Variants in TANC2 observed in about 807,000 individuals in gnomAD.
The protein encoded by TANC2 is tetratricopeptide repeat, ankyrin repeat and coiled-coil containing 2.
Under a neutral mutation model 210.5 loss-of-function variants are expected in TANC2, and 26 were observed. That is an observed-to-expected ratio of 0.12 (90% CI 0.09 to 0.17). The LOEUF (loss-of-function observed/expected upper bound fraction) is 0.17. TANC2 is among the 10% of genes least tolerant of loss of function. The probability of loss-of-function intolerance (pLI) is 1.00; values close to 1 mark genes in which losing one functional copy is unlikely to be tolerated. For missense variants in TANC2, 2,129 were observed against 2,608.9 expected (o/e 0.82, Z 4.01); for synonymous variants, 931 against 967.1 (o/e 0.96, Z 0.69).
chr17:63,072,439 AATTTCTTAT>A (rs796414542), intron 2 of TANC2, among the ~76,000 whole-genome samples: 1 of 152,190 alleles, frequency 6.6e-6, no homozygotes, highest in African/African-American at 2.4e-5. Context: ...GTCAAAGAAA[AATTTCTTAT>A]ATTTGTCTTT....
intron 3 of TANC2, among the ~76,000 whole-genome samples, chr17:63,096,477 C>T (rs1271546997): frequency 6.6e-6 from 1 of 152,148 alleles, no homozygotes; most frequent in African/African-American, 2.4e-5. Flanking sequence ...CTCTCCTGAA[C>T]ATTTCATATA....
At position 63,060,607 on chromosome 17, in the gene TANC2, C is replaced by T. The variant is rs574945866; in HGVS notation, c.68-13336C>T. ...TGCACTCCAACCTGGGAGATAAGAG[C>T]GAAACTCTGTCTCAAAAAAAAAACA... On this transcript the variant is annotated intron_variant, in intron 2 of 27. Transcript: ENST00000689528. 7.4e-5 allele frequency among the ~76,000 whole-genome samples: 10 copies of T among 134,858 alleles called. No homozygotes were observed. The South Asian group carries it at 1.7e-3, about 23-fold the overall frequency. 88.5% of individuals were successfully genotyped at this position (134,858 alleles called of 152,430 possible). A position where few individuals can be genotyped will look rare whatever the true frequency, so the allele number is the denominator to read the frequency against.
At chr17:63,377,248 C>G (rs2047454818) in intron 14 of TANC2, among the ~76,000 whole-genome samples, 1 of 152,258 alleles carries the variant, frequency 6.6e-6, no homozygotes, top group African/African-American at 2.4e-5. Flanking sequence ...CAACATTTGA[C>G]TCCTCATTGA....
chr17:63,224,954 A>C (rs754830600), intron 7 of TANC2, among the ~76,000 whole-genome samples: 1 of 152,230 alleles, frequency 6.6e-6, no homozygotes, highest in Non-Finnish European at 1.5e-5. Context: ...CCATCCTCAT[A>C]TAGATCTCCT....
intron 14 of TANC2, among the ~76,000 whole-genome samples, chr17:63,374,440 C>T (rs967336068): frequency 2.0e-5 from 3 of 152,106 alleles, no homozygotes; most frequent in East Asian, 1.9e-4. Flanking sequence ...GGATAGAGGC[C>T]GTGCTTTTTC....
intron 4 of TANC2, among the ~76,000 whole-genome samples, chr17:63,133,907 C>T (rs958799646): frequency 6.6e-6 from 1 of 152,002 alleles, no homozygotes; most frequent in Admixed American, 6.6e-5. Context: ...CCAACATTAG[C>T]ATGATTTTAA....
chr17:63,337,293 T>C (rs1449357268), intron 11 of TANC2, among the ~76,000 whole-genome samples: 4 of 152,056 alleles, frequency 2.6e-5, no homozygotes, highest in Non-Finnish European at 5.9e-5. Context: ...TTTTTAATAT[T>C]CTTAGTTAAA....
rs1021005268 is a variant in TANC2, at chr17:63,283,269, T to C, written c.1159+15396T>C. 1.6e-4 allele frequency among the ~76,000 whole-genome samples: 25 copies of C among 152,142 alleles called. 1 individual carries two copies. The East Asian group carries it at 4.8e-3, about 29-fold the overall frequency. ...CCTTTTGTACCTTTGTTAAAAATTA[T>C]TCATCCATAGATATATAGTTCTATT... On this transcript the variant is annotated intron_variant, in intron 9 of 27. Coordinates refer to ENST00000689528, the Ensembl canonical transcript of TANC2.
intron 8 of TANC2, among the ~76,000 whole-genome samples, chr17:63,246,634 A>G (rs184705577): frequency 6.6e-6 from 1 of 152,278 alleles, no homozygotes; most frequent in East Asian, 1.9e-4. Context: ...TGACGTATAT[A>G]TATCAGTAGT....
At chr17:63,395,847 C>T (rs747798158) in exon 18 of TANC2, 14 of 1,611,840 alleles carry the variant, frequency 8.7e-6, no homozygotes, top group African/African-American at 4.0e-5. Context: ...GGACGATGGC[C>T]GGCCAGCAGC....
chr17:63,296,019 T>A (rs2044525391), intron 9 of TANC2, among the ~76,000 whole-genome samples: 1 of 152,134 alleles, frequency 6.6e-6, no homozygotes, highest in Non-Finnish European at 1.5e-5. Flanking sequence ...TCAGTGCATC[T>A]GTCTGAATGT....
At chr17:63,275,732 A>C (rs756012540) in intron 9 of TANC2, among the ~76,000 whole-genome samples, 11 of 152,136 alleles carry the variant, frequency 7.2e-5, no homozygotes, top group Non-Finnish European at 1.2e-4. Context: ...CATGCACATA[A>C]CTTCCTATAG....
chr17:63,346,619 G>C (rs1267446216), intron 12 of TANC2, among the ~76,000 whole-genome samples: 1 of 152,206 alleles, frequency 6.6e-6, no homozygotes, highest in East Asian at 1.9e-4. Context: ...TGAACATCCA[G>C]TGTTGGTAAG....
chr17:63,179,412 G>T (rs2040700916), intron 5 of TANC2, among the ~76,000 whole-genome samples: 1 of 152,098 alleles, frequency 6.6e-6, no homozygotes, highest in Admixed American at 6.5e-5. Context: ...TAATCTTTGT[G>T]TACCTCACTT....
chr17:63,426,929 A>G (rs1338706626), exon 28 of TANC2: 1 of 152,254 alleles, frequency 6.6e-6, no homozygotes, highest in Non-Finnish European at 1.5e-5. Context: ...TAATTCTGGA[A>G]AATTCAGTAC....
intron 4 of TANC2, among the ~76,000 whole-genome samples, chr17:63,130,555 A>G (rs888161475): frequency 4.0e-5 from 6 of 151,740 alleles, no homozygotes; most frequent in African/African-American, 1.5e-4. Context: ...ACTATCTTTT[A>G]TTTGCTGTTT....
chr17:63,018,154 A>G (rs1368724173), intron 2 of TANC2, among the ~76,000 whole-genome samples: 1 of 152,034 alleles, frequency 6.6e-6, no homozygotes, highest in African/African-American at 2.4e-5. Flanking sequence ...GTTATTTTCT[A>G]AATTAAACGT....
intron 3 of TANC2, among the ~76,000 whole-genome samples, chr17:63,092,128 G>T (rs552884172): frequency 6.6e-6 from 1 of 152,148 alleles, no homozygotes; most frequent in African/African-American, 2.4e-5. Flanking sequence ...GTCACAATTT[G>T]TTCATTCATC....
At chr17:63,341,121 A>T (rs1358584279) in intron 12 of TANC2, among the ~76,000 whole-genome samples, 1 of 152,158 alleles carries the variant, frequency 6.6e-6, no homozygotes, top group African/African-American at 2.4e-5. Flanking sequence ...TTCCTGAGAG[A>T]CTTAGACACC....
Sources: gnomAD v4.1 joint callset for allele counts (sites outside exome capture counted in the v4.1 genomes callset) on GRCh38, gnomAD v4.1.1 for gene constraint, MANE v1.5 for transcripts, NCBI Gene and HGNC (gene_info 2026-07-23, HGNC 2026-07-21) for gene names.